KCNG2: variants seen among roughly 807,000 people sequenced by gnomAD.
The protein encoded by KCNG2 is potassium voltage-gated channel modifier subfamily G member 2.
KCNG2 carries 7 observed loss-of-function variants against 12.3 expected under a neutral mutation model. The ratio of observed to expected loss-of-function variants is 0.57; its 90% CI spans 0.32 to 1.07. The LOEUF (loss-of-function observed/expected upper bound fraction) is 1.07, where lower values mean the gene tolerates loss of function less well. Ranked by LOEUF, KCNG2 falls within the 50% of genes least tolerant of loss-of-function variation. The pLI, the probability that KCNG2 is intolerant of heterozygous loss-of-function variation, is 0.04. For synonymous variants in KCNG2, 414 were observed against 351.4 expected, an observed-to-expected ratio of 1.18 and a Z score of -1.99; for missense variants, 703 against 726.0, an observed-to-expected ratio of 0.97 and a Z score of 0.36.
chr18:79,869,986 G>A (rs112526506), intron 3 of KCNG2, among the ~76,000 whole-genome samples: 15,013 of 152,162 alleles, frequency 0.099, 886 homozygotes, highest in Middle Eastern at 0.17. Context: ...GTTGCCACCC[G>A]TTCCCAGCTG....
At chr18:79,813,681 G>C (rs2087508509) in intron 1 of KCNG2, among the ~76,000 whole-genome samples, 1 of 152,194 alleles carries the variant, frequency 6.6e-6, no homozygotes, top group Admixed American at 6.5e-5. Context: ...AATTCACTGG[G>C]ACACAGGGGT....
chr18:79,828,568 T>C (rs1052058479), intron 1 of KCNG2, among the ~76,000 whole-genome samples: 1 of 152,074 alleles, frequency 6.6e-6, no homozygotes. Flanking sequence ...TCTGTGTGCA[T>C]GTCTGTGTGC....
intron 3 of KCNG2, among the ~76,000 whole-genome samples, chr18:79,881,770 C>G (rs1278911620): frequency 1.3e-5 from 2 of 152,166 alleles, no homozygotes; most frequent in African/African-American, 4.8e-5. Context: ...TATGGAAAGG[C>G]CTAGGAACCG....
intron 1 of KCNG2, among the ~76,000 whole-genome samples, chr18:79,825,956 C>G (rs1978285339): frequency 6.6e-6 from 1 of 152,260 alleles, no homozygotes; most frequent in Non-Finnish European, 1.5e-5. Context: ...CTCGGCCGCT[C>G]TGGGACCTGC....
At chr18:79,804,582 T>C (rs2087435266) in intron 1 of KCNG2, among the ~76,000 whole-genome samples, 1 of 152,246 alleles carries the variant, frequency 6.6e-6, no homozygotes, top group African/African-American at 2.4e-5. Context: ...CGCTGCTTCC[T>C]GGAGTCTGTG....
intron 3 of KCNG2, among the ~76,000 whole-genome samples, chr18:79,872,290 T>TTG (rs1345966059): frequency 7.4e-6 from 1 of 135,524 alleles, no homozygotes; most frequent in South Asian, 2.5e-4. Context: ...GTTTTTTTTT[T>TTG]TTTTTTTTTT....
intron 1 of KCNG2, among the ~76,000 whole-genome samples, chr18:79,824,117 C>A (rs1421738082): frequency 1.3e-5 from 2 of 152,202 alleles, no homozygotes; most frequent in Admixed American, 1.3e-4. Context: ...ATCCTCCCAC[C>A]TCTCAGCCTC....
At position 79,827,322 on chromosome 18, in the gene KCNG2, C is replaced by A. The variant is rs548808653; in HGVS notation, c.-114-29057C>A. On this transcript the variant is annotated intron_variant, in intron 1 of 3. Transcript: ENST00000316249. ...CCGTGAGGGTTTCAAACTAAGCCTC[C>A]TTTCGTTTTCCCTGGCGGTGTCAGC... 5.4e-4 allele frequency among the ~76,000 whole-genome samples: 82 copies of A among 152,358 alleles called. 1 individual carries two copies. Among genetic ancestry groups the A allele is most frequent in the African/African-American group, 1.9e-3 (79 of 41,586 alleles).
chr18:79,891,144 G>T (rs1384623795), intron 3 of KCNG2, among the ~76,000 whole-genome samples: 1 of 152,142 alleles, frequency 6.6e-6, no homozygotes, highest in Non-Finnish European at 1.5e-5. Flanking sequence ...AGGGTGGAGT[G>T]TGAGCTTATT....
Position 79,899,287 on chromosome 18 carries a change from G to T in KCNG2, c.872G>T (p.Arg291Leu). Residue 291 changes from arginine to leucine, a missense_variant, in exon 4 of 4, where the codon CGT (arginine) becomes CTT (leucine). Transcript: ENST00000316249. ...GCGGGGCTGGTGCTGCGGCTGCTGCGTGCGCTGCGCGTGCTCTACGTGATG... is the reference window on the plus strand; with the variant it reads ...GCGGGGCTGGTGCTGCGGCTGCTGCTTGCGCTGCGCGTGCTCTACGTGATG... ...ERAGLVLRLL[R>L]ALRVLYVMRL... The T allele has an allele frequency of 1.3e-6, 2 of 1,572,242 alleles. No homozygotes were observed. Among genetic ancestry groups the T allele is most frequent in the Non-Finnish European group, 1.7e-6 (2 of 1,167,760 alleles).
At chr18:79,843,398 T>C (rs1028160491) in intron 1 of KCNG2, among the ~76,000 whole-genome samples, 1 of 152,102 alleles carries the variant, frequency 6.6e-6, no homozygotes, top group Non-Finnish European at 1.5e-5. Flanking sequence ...TGAAAAAATA[T>C]TAAAGGATAA....
chr18:79,880,316 CAAAAAAAAAAAA>C (rs59558361), intron 3 of KCNG2, among the ~76,000 whole-genome samples: 2 of 101,416 alleles, frequency 2.0e-5, no homozygotes, highest in African/African-American at 7.9e-5. Flanking sequence ...GACTCTGTCT[CAAAAAAAAAAAA>C]AAAAAAAATT....
At chr18:79,832,077 C>T (rs752354328) in intron 1 of KCNG2, among the ~76,000 whole-genome samples, 1 of 152,194 alleles carries the variant, frequency 6.6e-6, no homozygotes, top group Middle Eastern at 3.2e-3. Context: ...CTTCCCCACA[C>T]TCACCCACCG....
chr18:79,894,513 T>G (rs1980883124), intron 3 of KCNG2, among the ~76,000 whole-genome samples: 1 of 152,200 alleles, frequency 6.6e-6, no homozygotes, highest in African/African-American at 2.4e-5. Context: ...GGTCTGTGTC[T>G]GCTTTTGATT....
chr18:79,862,446 G>A lies in KCNG2; in HGVS notation c.-40-1182G>A, dbSNP rs115885170. On this transcript the variant is annotated intron_variant, in intron 2 of 3. Coordinates refer to ENST00000316249, the MANE Select transcript of KCNG2 (RefSeq NM_012283.2). ...ACTTGTTTTTGCAGATGGGCTCTGC[G>A]TGTCTTGGAGCAACCTTCAGCACTC... 2.0e-3 allele frequency among the ~76,000 whole-genome samples: 305 copies of A among 152,290 alleles called. 1 individual carries two copies. Among genetic ancestry groups the A allele is most frequent in the African/African-American group, 7.0e-3 (289 of 41,554 alleles).
intron 1 of KCNG2, among the ~76,000 whole-genome samples, chr18:79,852,083 G>T (rs1978843963): frequency 6.6e-6 from 1 of 152,210 alleles, no homozygotes; most frequent in African/African-American, 2.4e-5. Flanking sequence ...TGTTAACGCT[G>T]CAATGAGGCT....
chr18:79,899,748 C>T lies in KCNG2; in HGVS notation c.1333C>T (p.Gln445Ter), dbSNP rs777086927. 6 of 1,586,254 alleles carry T rather than the reference C, an allele frequency of 3.8e-6. No individual in the cohort carries two copies. The highest frequency in any genetic ancestry group is 5.1e-6 in the Non-Finnish European group (6 of 1,170,904). ...HSATATEDSS[Q>*]GPDSAGLADD... is the part of the protein sequence containing the mutation. Reference sequence around the variant, plus strand: ...GGCCACAGCCACCGAGGACAGCTCGCAGGGCCCCGACAGCGCGGGCCTGGC... The same window carrying T: ...GGCCACAGCCACCGAGGACAGCTCGTAGGGCCCCGACAGCGCGGGCCTGGC... The change falls in exon 4 of 4, where the codon CAG becomes TAG. Residue 445 changes from glutamine to a stop codon, truncating the protein, a stop_gained. Transcript: ENST00000316249. LOFTEE classifies it low-confidence loss of function (END_TRUNC).
chr18:79,835,393 T>C (rs1401727569), intron 1 of KCNG2, among the ~76,000 whole-genome samples: 1 of 152,228 alleles, frequency 6.6e-6, no homozygotes, highest in African/African-American at 2.4e-5. Context: ...GGCACAGATT[T>C]TAAAACAGCC....
At chr18:79,888,746 C>G (rs534201606) in intron 3 of KCNG2, among the ~76,000 whole-genome samples, 6 of 152,078 alleles carry the variant, frequency 3.9e-5, no homozygotes, top group Admixed American at 3.9e-4. Context: ...GTGATCTCAG[C>G]TTACTGCAAT....
Sources: gnomAD v4.1 joint callset for allele counts (sites outside exome capture counted in the v4.1 genomes callset) on GRCh38, gnomAD v4.1.1 for gene constraint, MANE v1.5 for transcripts, NCBI Gene and HGNC (gene_info 2026-07-23, HGNC 2026-07-21) for gene names.